RYR3: variants seen among roughly 807,000 people sequenced by gnomAD.
The protein encoded by RYR3 is ryanodine receptor 3.
A neutral mutation model predicts 584.3 loss-of-function variants in RYR3; 207 were observed. The observed-to-expected ratio is 0.35, with a 90% CI of 0.32 to 0.40. RYR3 has a LOEUF of 0.40. Among genes scored for constraint, RYR3 ranks in the 10% least tolerant of loss-of-function variants. The probability of loss-of-function intolerance (pLI) is 1.00; values close to 1 mark genes in which losing one functional copy is unlikely to be tolerated. For synonymous variants in RYR3, 2,416 were observed against 2,248.5 expected, an observed-to-expected ratio of 1.07 and a Z score of -2.11; for missense variants, 5,616 against 6,089.2, an observed-to-expected ratio of 0.92 and a Z score of 2.59.
At position 33,600,219 on chromosome 15, in the gene RYR3, C is replaced by T. The variant is rs988651083; in HGVS notation, c.1789-1200C>T. 2.6e-5 allele frequency among the ~76,000 whole-genome samples: 4 copies of T among 152,158 alleles called. No homozygotes were observed. The South Asian group carries it at 8.3e-4, about 32-fold the overall frequency. On this transcript the variant is annotated intron_variant, in intron 16 of 103. Transcript: ENST00000634891. ...GGAACAAAACTGTCATTCAGGGAGT[C>T]AAGTAGAAAATTGGTTTGTGAGAAT...
intron 62 of RYR3, among the ~76,000 whole-genome samples, chr15:33,771,023 T>TA (rs2073525028): frequency 6.6e-6 from 1 of 152,232 alleles, no homozygotes; most frequent in South Asian, 2.1e-4. Flanking sequence ...TTCATCCCTG[T>TA]AGATCACATT....
At chr15:33,620,285 C>T (rs1456949447) in intron 19 of RYR3, among the ~76,000 whole-genome samples, 1 of 152,136 alleles carries the variant, frequency 6.6e-6, no homozygotes, top group Non-Finnish European at 1.5e-5. Flanking sequence ...TGTCAAGCTT[C>T]CACGTGGTTT....
At chr15:33,582,971 T>G (rs1395522717) in intron 14 of RYR3, among the ~76,000 whole-genome samples, 1 of 152,254 alleles carries the variant, frequency 6.6e-6, no homozygotes, top group Non-Finnish European at 1.5e-5. Flanking sequence ...TCTACTCTTT[T>G]TGCCCTGTGG....
At chr15:33,622,952 C>G (rs767491402) in intron 19 of RYR3, among the ~76,000 whole-genome samples, 1 of 152,228 alleles carries the variant, frequency 6.6e-6, no homozygotes, top group Non-Finnish European at 1.5e-5. Context: ...ATGAGGCTGA[C>G]TTTCAGCCAG....
At position 33,812,898 on chromosome 15, in the gene RYR3, C is replaced by A; in HGVS notation, c.10293C>A (p.Leu3431=). 1 of 1,613,988 alleles carries A rather than the reference C, an allele frequency of 6.2e-7. No individual in the cohort carries two copies. Among genetic ancestry groups the A allele is most frequent in the Non-Finnish European group, 8.5e-7 (1 of 1,179,864 alleles). ...DDPAVKWQLN[L]YKDVLKSEEP... is the part of the protein sequence containing the mutation. ...CAGCTGTAAAATGGCAACTGAACCT[C>A]TACAAGGATGTTCTGAAGAGTGAAG... The change falls in exon 73 of 104, where the codon CTC becomes CTA. Residue 3431 remains leucine, a synonymous_variant. Coordinates refer to ENST00000634891, the MANE Select transcript of RYR3 (RefSeq NM_001036.6).
chr15:33,857,243 GCTGGCAGCA>G (rs1397467824), intron 98 of RYR3, among the ~76,000 whole-genome samples: 6 of 4,826 alleles, frequency 1.2e-3, no homozygotes, highest in Non-Finnish European at 6.8e-3. Context: ...GTATCATGGT[GCTGGCAGCA>G]CCAGCACCTG....
chr15:33,714,341 T>C (rs889033068), intron 43 of RYR3, among the ~76,000 whole-genome samples: 1 of 152,258 alleles, frequency 6.6e-6, no homozygotes, highest in Non-Finnish European at 1.5e-5. Flanking sequence ...TTTACTATTA[T>C]TTCTTAATGT....
In RYR3 at chr15:33,350,392, G is replaced by C. The variant is rs1160064377; in HGVS notation, c.51+39296G>C. On this transcript the variant is annotated intron_variant, in intron 1 of 103. Transcript: ENST00000634891. ...CAAGGATACCCAGGAATTGAACTCA[G>C]CTCTGCACCAAGTGGACCTAATAGA... 2.0e-5 allele frequency among the ~76,000 whole-genome samples: 3 copies of C among 152,228 alleles called. No homozygotes were observed. The South Asian group carries it at 6.2e-4, about 32-fold the overall frequency.
At chr15:33,510,048 C>T (rs141404345) in intron 3 of RYR3, among the ~76,000 whole-genome samples, 1,875 of 152,240 alleles carry the variant, frequency 0.012, 45 homozygotes, top group African/African-American at 0.042. Context: ...TTTTTATACT[C>T]GCAAAATAAC....
chr15:33,390,495 A>G lies in RYR3; in HGVS notation c.51+79399A>G, dbSNP rs2041923306. ...ATCTGTTGATCTTATGATGCTGAAA[A>G]TAGGGGAAAGTTCGACGCATTTGTT... is the stretch of plus-strand genomic sequence containing the variant. On this transcript the variant is annotated intron_variant, in intron 1 of 103. Coordinates refer to ENST00000634891, the MANE Select transcript of RYR3 (RefSeq NM_001036.6). The surrounding 1 kb of genome is among the most constrained non-coding windows in gnomAD (Gnocchi z 4.2). 6.6e-6 allele frequency among the ~76,000 whole-genome samples: 1 copy of G among 152,202 alleles called. No individual in the cohort carries two copies. The highest frequency in any genetic ancestry group is 2.4e-5 in the African/African-American group (1 of 41,442).
At chr15:33,753,262 T>C (rs1488442375) in intron 57 of RYR3, among the ~76,000 whole-genome samples, 1 of 152,208 alleles carries the variant, frequency 6.6e-6, no homozygotes, top group Non-Finnish European at 1.5e-5. Context: ...TTAAATTACA[T>C]AGTAATAATA....
At position 33,646,363 on chromosome 15, in the gene RYR3, G is replaced by C. The variant is rs1297303759; in HGVS notation, c.3778G>C (p.Asp1260His). The change falls in exon 29 of 104, where the codon GAT (aspartate) becomes CAT (histidine). Residue 1260 changes from aspartate (D) to histidine (H), a missense_variant. This residue lies in a region of RYR3 where 753 missense variants were observed against 741.0 expected (regional missense o/e 1.02). Transcript: ENST00000634891. ...DHPHIEVMRI[D>H]GTMDSPPCLK... ...GTCCTGTTTCCAGGTCATGAGGATT[G>C]ATGGCACCATGGACAGCCCTCCGTG... The C allele has an allele frequency of 6.2e-7, 1 of 1,607,612 alleles. No homozygotes were observed. Among genetic ancestry groups the C allele is most frequent in the African/African-American group, 1.3e-5 (1 of 74,824 alleles).
chr15:33,664,614 T>TATATATATATATATATATATAC (rs1491296584), intron 36 of RYR3, among the ~76,000 whole-genome samples: 1,319 of 119,600 alleles, frequency 0.011, 19 homozygotes, highest in Middle Eastern at 0.023. Context: ...TATATATATA[T>TATATATATATATATATATATAC]ACGTATGTAT....
At position 33,858,005 on chromosome 15, in the gene RYR3, C is replaced by T. The variant is rs2079883168; in HGVS notation, c.14142+91C>T. The stretch of plus-strand genomic sequence containing the variant: ...TGGGAAGAAGGGCTGTGTGGGGGTG[C>T]TCTTGAGAACTGTAGAGTTAGTTAC... On this transcript the variant is annotated intron_variant, in intron 99 of 103. Transcript: ENST00000634891. The T allele has an allele frequency of 1.5e-5, 22 of 1,508,384 alleles. No homozygotes were observed. The South Asian group carries it at 2.6e-4, about 18-fold the overall frequency. The allele number at this position is 1,508,384 out of a possible 1,614,324, so 93.4% of individuals were successfully genotyped here. A position where few individuals can be genotyped will look rare whatever the true frequency, so the allele number is the denominator to read the frequency against.
intron 12 of RYR3, among the ~76,000 whole-genome samples, chr15:33,567,092 C>A (rs1390911849): frequency 6.6e-6 from 1 of 152,060 alleles, no homozygotes; most frequent in Non-Finnish European, 1.5e-5. Context: ...GTGCATAGGT[C>A]CATTTTATGT....
chr15:33,865,299 T>A lies in RYR3; in HGVS notation c.*73T>A. 9.9e-7 allele frequency: 1 copy of A among 1,006,960 alleles called. No individual in the cohort carries two copies. The highest frequency in any genetic ancestry group is 1.5e-5 in the South Asian group (1 of 68,818). The allele number at this position is 1,006,960 out of a possible 1,614,324, so 62.4% of individuals were successfully genotyped here. A position where few individuals can be genotyped will look rare whatever the true frequency, so the allele number is the denominator to read the frequency against. On this transcript the variant is annotated 3_prime_UTR_variant, in exon 104 of 104. Transcript: ENST00000634891. ...AAATAAAGTCCCCTTTTTACAGTTC[T>A]GCAACATATCTGAAATGTGACATTT...
At chr15:33,435,964 G>C (rs987807680) in intron 1 of RYR3, among the ~76,000 whole-genome samples, 1 of 152,098 alleles carries the variant, frequency 6.6e-6, no homozygotes, top group South Asian at 2.1e-4. Flanking sequence ...ACAGAGTTCT[G>C]ATTCGTCAAT....
intron 3 of RYR3, 139 bp downstream of exon 3, chr15:33,503,877 C>A: frequency 1.6e-6 from 1 of 626,106 alleles, no homozygotes; most frequent in Non-Finnish European, 2.9e-6. Flanking sequence ...AATCTTTCTC[C>A]CTGAGTTGAG....
rs549279246 is a variant in RYR3 at position 33,826,270 on chromosome 15, G to A, written c.11164+1G>A. The A allele has an allele frequency of 2.5e-6, 4 of 1,613,784 alleles. No homozygotes were observed. The Admixed American group carries it at 5.0e-5, about 20-fold the overall frequency. ...TTACCAGTCATTGTTCGGGAACGTGGTAAGTTTCAGTTTCTGGCCTGAGTT... is the reference window on the plus strand; with the variant it reads ...TTACCAGTCATTGTTCGGGAACGTGATAAGTTTCAGTTTCTGGCCTGAGTT... On this transcript the variant is annotated splice_donor_variant, in intron 83 of 103. Coordinates refer to ENST00000634891, the MANE Select transcript of RYR3 (RefSeq NM_001036.6). LOFTEE classifies it high-confidence loss of function.
Sources: gnomAD v4.1 joint callset for allele counts (sites outside exome capture counted in the v4.1 genomes callset) on GRCh38, gnomAD v4.1.1 for gene constraint, gnomAD v4.1.1 regional missense constraint, Gnocchi (gnomAD v3.1) non-coding constraint, MANE v1.5 for transcripts, NCBI Gene and HGNC (gene_info 2026-07-23, HGNC 2026-07-21) for gene names.